Variants in LOXL2 observed in about 807,000 individuals in gnomAD.
LOXL2 encodes lysyl oxidase like 2, also known as lysyl oxidase homolog 2.
A neutral mutation model predicts 93.0 loss-of-function variants in LOXL2; 70 were observed. That is an observed-to-expected ratio of 0.75 (90% CI 0.62 to 0.92). LOXL2 has a LOEUF of 0.92. Ranked by LOEUF, LOXL2 falls within the 40% of genes least tolerant of loss-of-function variation. The pLI is 0.00. For missense variants in LOXL2, 973 were observed against 1,054.9 expected (o/e 0.92, Z 1.08); for synonymous variants, 438 against 413.2 (o/e 1.06, Z -0.73).
At chr8:23,370,132 C>T (rs1563204517) in intron 1 of LOXL2, among the ~76,000 whole-genome samples, 1 of 152,084 alleles carries the variant, frequency 6.6e-6, no homozygotes, top group African/African-American at 2.4e-5. Context: ...TTCCCTGCTT[C>T]GGTTCCCACG....
At chr8:23,306,910 G>A (rs1234113537) in intron 10 of LOXL2, among the ~76,000 whole-genome samples, 2 of 152,244 alleles carry the variant, frequency 1.3e-5, no homozygotes, top group Non-Finnish European at 2.9e-5. Context: ...CAGTGCACAT[G>A]AGACAGAATA....
At chr8:23,376,666 G>A (rs1412134247) in intron 1 of LOXL2, among the ~76,000 whole-genome samples, 1 of 152,128 alleles carries the variant, frequency 6.6e-6, no homozygotes, top group Non-Finnish European at 1.5e-5. Flanking sequence ...GTTTAGTCTT[G>A]GGAGAGTGTA....
chr8:23,311,814 A>G (rs1803323098), intron 9 of LOXL2, among the ~76,000 whole-genome samples: 1 of 152,244 alleles, frequency 6.6e-6, no homozygotes, highest in Non-Finnish European at 1.5e-5. Context: ...TACTACTGCA[A>G]CAAGAGCTGG....
At chr8:23,358,603 C>G (rs1008248299) in intron 3 of LOXL2, among the ~76,000 whole-genome samples, 1 of 152,216 alleles carries the variant, frequency 6.6e-6, no homozygotes, top group African/African-American at 2.4e-5. Flanking sequence ...CCAATTCCTC[C>G]TGTCCTAAGC....
At chr8:23,402,193 G>GCA (rs1214622758) in intron 1 of LOXL2, among the ~76,000 whole-genome samples, 2 of 151,846 alleles carry the variant, frequency 1.3e-5, no homozygotes, top group African/African-American at 2.4e-5. Context: ...ACGTGCCCGC[G>GCA]CACACACACC....
chr8:23,330,473 C>T (rs901565617), intron 5 of LOXL2, among the ~76,000 whole-genome samples: 2 of 152,218 alleles, frequency 1.3e-5, no homozygotes, highest in African/African-American at 4.8e-5. Flanking sequence ...CCTTCCCAAG[C>T]TGTCTTCCCA....
At chr8:23,372,796 T>G (rs1290330481) in intron 1 of LOXL2, among the ~76,000 whole-genome samples, 1 of 151,870 alleles carries the variant, frequency 6.6e-6, no homozygotes, top group Non-Finnish European at 1.5e-5. Context: ...ATAATCAGAG[T>G]GGGAGATTTT....
intron 5 of LOXL2, among the ~76,000 whole-genome samples, chr8:23,330,768 C>A (rs1054249971): frequency 6.7e-6 from 1 of 150,322 alleles, no homozygotes; most frequent in African/African-American, 2.5e-5. Flanking sequence ...AAGGATGTGG[C>A]CATCAAATCA....
At chr8:23,388,681 C>A (rs1236825178) in intron 1 of LOXL2, among the ~76,000 whole-genome samples, 1 of 148,326 alleles carries the variant, frequency 6.7e-6, no homozygotes, top group East Asian at 2.0e-4. Flanking sequence ...TAGAAATGTA[C>A]ATTTACTCCA....
intron 9 of LOXL2, among the ~76,000 whole-genome samples, chr8:23,316,022 T>C (rs527610053): frequency 1.3e-5 from 2 of 152,304 alleles, no homozygotes; most frequent in South Asian, 4.1e-4. Flanking sequence ...AAGGATGTGA[T>C]AGCTTGTGAT....
At chr8:23,315,583 G>A (rs924722831) in intron 9 of LOXL2, among the ~76,000 whole-genome samples, 3 of 152,212 alleles carry the variant, frequency 2.0e-5, no homozygotes, top group Non-Finnish European at 4.4e-5. Flanking sequence ...AATCTCTAGA[G>A]TGGTGGGCTT....
chr8:23,310,646 T>C (rs1190392734), intron 9 of LOXL2, among the ~76,000 whole-genome samples: 1 of 152,230 alleles, frequency 6.6e-6, no homozygotes, highest in Non-Finnish European at 1.5e-5. Context: ...AGAATATATC[T>C]CTGTAAGTGA....
At chr8:23,330,715 T>C (rs935823134) in intron 5 of LOXL2, among the ~76,000 whole-genome samples, 2 of 149,952 alleles carry the variant, frequency 1.3e-5, no homozygotes, top group South Asian at 2.1e-4. Context: ...GTATTCTGGA[T>C]GACACACAAG....
chr8:23,375,227 G>C (rs970493906), intron 1 of LOXL2, among the ~76,000 whole-genome samples: 196 of 152,220 alleles, frequency 1.3e-3, no homozygotes, highest in African/African-American at 4.4e-3. Context: ...TCTTGTTTTT[G>C]TCAGGTTTGT....
rs371036509 is a variant in LOXL2 at position 23,303,239 on chromosome 8, G to A, written c.1996+43C>T. 23 of 1,226,360 alleles carry A rather than the reference G, an allele frequency of 1.9e-5. No homozygotes were observed. In the South Asian group the frequency reaches 2.3e-4, roughly 12 times the overall value. 76.0% of individuals were successfully genotyped at this position (1,226,360 alleles called of 1,614,324 possible). A position where few individuals can be genotyped will look rare whatever the true frequency, so the allele number is the denominator to read the frequency against. On this transcript the variant is annotated intron_variant, in intron 11 of 13. Transcript: ENST00000389131. ...GGTGATCGTGGAGGCAGAGGCATTC[G>A]AGTCCCTCTGAGGCCTCCCATCCCC...
Position 23,346,139 on chromosome 8 carries a change from A to C in LOXL2, c.532-4936T>G, listed in dbSNP as rs545641660. On this transcript the variant is annotated intron_variant, in intron 3 of 13. Coordinates refer to ENST00000389131, the MANE Select transcript of LOXL2 (RefSeq NM_002318.3). The stretch of plus-strand genomic sequence containing the variant: ...AATTAAAATAAAATAAAATAAAATA[A>C]AATAAATAAAATAAAATAAAAAATA... Among the ~76,000 whole-genome samples, 166 of 90,062 alleles carry C rather than the reference A, an allele frequency of 1.8e-3. 3 individuals are homozygous for C. The highest frequency in any genetic ancestry group is 9.2e-3 in the African/African-American group (156 of 16,870). 59.1% of individuals were successfully genotyped at this position (90,062 alleles called of 152,430 possible).
chr8:23,346,142 T>TAATA, intron 3 of LOXL2, among the ~76,000 whole-genome samples: 1 of 112,552 alleles, frequency 8.9e-6, no homozygotes, highest in East Asian at 3.0e-4. Context: ...TAAAATAAAA[T>TAATA]AAATAAAATA....
chr8:23,383,118 T>C (rs1224139921), intron 1 of LOXL2, among the ~76,000 whole-genome samples: 1 of 152,190 alleles, frequency 6.6e-6, no homozygotes, highest in Non-Finnish European at 1.5e-5. Flanking sequence ...GTGGGACCTG[T>C]GGCCTTCCCG....
intron 2 of LOXL2, chr8:23,364,950 C>T (rs1804374471): frequency 6.6e-6 from 1 of 152,254 alleles, no homozygotes; most frequent in African/African-American, 2.4e-5. Flanking sequence ...GGCTTAGCCT[C>T]CTGATTCTGA....
Sources: gnomAD v4.1 joint callset for allele counts (sites outside exome capture counted in the v4.1 genomes callset) on GRCh38, gnomAD v4.1.1 for gene constraint, MANE v1.5 for transcripts, NCBI Gene and HGNC (gene_info 2026-07-23, HGNC 2026-07-21) for gene names.